TTPAL: variants seen among roughly 807,000 people sequenced by gnomAD.
TTPAL encodes alpha tocopherol transfer protein like, also known as alpha-tocopherol transfer protein-like.
TTPAL carries 21 observed loss-of-function variants against 28.7 expected under a neutral mutation model. That is an observed-to-expected ratio of 0.73 (90% CI 0.52 to 1.06). The LOEUF (loss-of-function observed/expected upper bound fraction) is 1.06. Among genes scored for constraint, TTPAL ranks in the 50% least tolerant of loss-of-function variants. The pLI is 0.00. For synonymous variants in TTPAL, 169 were observed against 171.9 expected, an observed-to-expected ratio of 0.98 and a Z score of 0.13; for missense variants, 345 against 425.5, an observed-to-expected ratio of 0.81 and a Z score of 1.67.
At position 44,484,325 on chromosome 20, in the gene TTPAL, T is replaced by G; in HGVS notation, c.446-12T>G. The G allele has an allele frequency of 6.6e-7, 1 of 1,517,140 alleles. No homozygotes were observed. 94.0% of individuals were successfully genotyped at this position (1,517,140 alleles called of 1,614,324 possible). ...ACTTCTGTAACATACTGTCAATCTC[T>G]TATGACCTTAGACAGATGGATACCA... On this transcript the variant is annotated splice_polypyrimidine_tract_variant and intron_variant, in intron 2 of 4. Transcript: ENST00000262605.
Position 44,489,392 on chromosome 20 carries a change from G to C in TTPAL, c.880G>C (p.Glu294Gln). 1 of 1,614,192 alleles carries C rather than the reference G, an allele frequency of 6.2e-7. No homozygotes were observed. Among genetic ancestry groups the C allele is most frequent in the Non-Finnish European group, 8.5e-7 (1 of 1,180,028 alleles). ...CTGGAACGCGGTACTGCTGGCTTCA[G>C]AAGACGATTTTGTGAAAGAGTTCTG... The part of the protein sequence containing the change: ...ATWNAVLLAS[E>Q]DDFVKEFCQP... Residue 294 changes from glutamate (E) to glutamine (Q), a missense_variant, in exon 5 of 5, where the codon GAA becomes CAA. Coordinates refer to ENST00000262605, the MANE Select transcript of TTPAL (RefSeq NM_001039199.3).
At position 44,489,524 on chromosome 20, in the gene TTPAL, C is replaced by T; in HGVS notation, c.1012C>T (p.Leu338=). 6.2e-7 allele frequency: 1 copy of T among 1,613,716 alleles called. No homozygotes were observed. Among genetic ancestry groups the T allele is most frequent in the Non-Finnish European group, 8.5e-7 (1 of 1,179,630 alleles). ...DDSLRAVKSQ[L]YSCY ...CTCCTTGCGAGCTGTGAAGTCACAG[C>T]TGTACTCCTGCTACTAGCCCGTCCC... The change falls in exon 5 of 5, where the codon CTG becomes TTG. Residue 338 remains leucine, a synonymous_variant. Coordinates refer to ENST00000262605, the MANE Select transcript of TTPAL (RefSeq NM_001039199.3).
At chr20:44,486,823 T>A in intron 4 of TTPAL, 117 bp downstream of exon 4, 1 of 618,732 alleles carries the variant, frequency 1.6e-6, no homozygotes, top group Non-Finnish European at 2.8e-6. Context: ...AAGTACAGAG[T>A]TACAGATAAA....
rs763798283 is a variant in TTPAL, at chr20:44,484,392, G to A, written c.501G>A (p.Leu167=). The A allele has an allele frequency of 1.9e-6, 3 of 1,603,918 alleles. No homozygotes were observed. The highest frequency in any genetic ancestry group is 2.2e-5 in the South Asian group (2 of 90,554). The change falls in exon 3 of 5, where the codon TTG becomes TTA. Residue 167 remains leucine, a synonymous_variant. Transcript: ENST00000262605. ...CTGAAAACATCCGAGCCATATACTT[G>A]ACCTTAGAAAAACTCATTCAGTCTG... ...PITENIRAIY[L]TLEKLIQSEE...
In TTPAL at chr20:44,480,047, A is replaced by T. The variant is rs764102112; in HGVS notation, c.48A>T (p.Ser16=). The T allele has an allele frequency of 3.7e-6, 6 of 1,613,716 alleles. No homozygotes were observed. In the East Asian group the frequency reaches 6.7e-5, roughly 18 times the overall value. The change falls in exon 2 of 5, where the codon TCA becomes TCT. Residue 16 remains serine (S), a synonymous_variant. Transcript: ENST00000262605. This position sits in a 1 kb window ranked among gnomAD's most constrained non-coding sequence, Gnocchi z 4.1. The stretch of plus-strand genomic sequence containing the variant: ...TGAGAACCAGCCCTTCTGTGGCCTC[A>T]CTCTCTGAAAATGAGCTGCCACCAC... ...DSLRTSPSVA[S]LSENELPPPP...
chr20:44,487,298 T>C (rs952148164), intron 4 of TTPAL, among the ~76,000 whole-genome samples: 2 of 145,838 alleles, frequency 1.4e-5, no homozygotes, highest in East Asian at 4.0e-4. Context: ...AAAAATTAGG[T>C]GGGTGTGGTG....
At chr20:44,478,402 T>C (rs1172957028) in intron 1 of TTPAL, among the ~76,000 whole-genome samples, 1 of 152,220 alleles carries the variant, frequency 6.6e-6, no homozygotes, top group Non-Finnish European at 1.5e-5. Flanking sequence ...AATCATTGGC[T>C]AGGAGCAGTG....
rs769145195 is a variant in TTPAL, at chr20:44,489,431, G to T, written c.919G>T (p.Ala307Ser). The T allele has an allele frequency of 1.2e-6, 2 of 1,614,176 alleles. No individual in the cohort carries two copies. The highest frequency in any genetic ancestry group is 1.7e-6 in the Non-Finnish European group (2 of 1,180,036). Residue 307 changes from alanine (A) to serine (S), a missense_variant, in exon 5 of 5, where the codon GCC becomes TCC. Ala to Ser is a moderately conservative substitution (Grantham distance 99). Transcript: ENST00000262605. ...FVKEFCQPVP[A>S]CDSILGQTLL... ...GAAAGAGTTCTGCCAACCTGTTCCT[G>T]CCTGTGACAGCATCCTGGGCCAGAC...
At chr20:44,479,204 T>C (rs1005101386) in intron 1 of TTPAL, among the ~76,000 whole-genome samples, 1 of 152,146 alleles carries the variant, frequency 6.6e-6, no homozygotes, top group Admixed American at 6.5e-5. Context: ...TAATCAATAC[T>C]TGTGAAGGCC....
At chr20:44,481,654 C>A (rs2064106547) in intron 2 of TTPAL, among the ~76,000 whole-genome samples, 1 of 152,176 alleles carries the variant, frequency 6.6e-6, no homozygotes, top group Non-Finnish European at 1.5e-5. Context: ...CATATAAACG[C>A]CCTCTTGAAG....
intron 1 of TTPAL, chr20:44,478,576 C>T (rs2064067804): frequency 6.6e-6 from 1 of 152,222 alleles, no homozygotes; most frequent in Admixed American, 6.5e-5. Context: ...AAAATTCAAA[C>T]AGTATAGTAA....
At chr20:44,482,522 G>T (rs982425243) in intron 2 of TTPAL, among the ~76,000 whole-genome samples, 1 of 148,760 alleles carries the variant, frequency 6.7e-6, no homozygotes, top group African/African-American at 2.5e-5. Flanking sequence ...GCAATGAGCC[G>T]AGATCACGCC....
At chr20:44,486,390 C>T in intron 3 of TTPAL, 1 of 426,324 alleles carries the variant, frequency 2.3e-6, no homozygotes, top group Non-Finnish European at 4.2e-6. Flanking sequence ...CCTCTGTTTG[C>T]CTCTCTTCTA....
At chr20:44,479,419 T>C (rs1470755011) in intron 1 of TTPAL, among the ~76,000 whole-genome samples, 1 of 143,934 alleles carries the variant, frequency 6.9e-6, no homozygotes, top group East Asian at 2.0e-4. Context: ...TTTTTTTTTT[T>C]TTTTTTTTTG....
Position 44,486,609 on chromosome 20 carries a change from T to C in TTPAL, c.653T>C (p.Ile218Thr). ...TTTCCCACACAGGATGGTTTCCCCA[T>C]TCGGATAAAAGCAGTCCATGTGGTG... The part of the protein sequence containing the change: ...VIGILQDGFP[I>T]RIKAVHVVNE... The change falls in exon 4 of 5, where the codon ATT (isoleucine) becomes ACT (threonine). Residue 218 changes from isoleucine to threonine, a missense_variant. Ile to Thr is a moderately conservative substitution (Grantham distance 89, BLOSUM62 -1). Transcript: ENST00000262605. 1 of 1,610,318 alleles carries C rather than the reference T, an allele frequency of 6.2e-7. No homozygotes were observed. The highest frequency in any genetic ancestry group is 1.7e-4 in the Middle Eastern group (1 of 6,050).
chr20:44,481,268 G>A (rs1426994645), intron 2 of TTPAL, among the ~76,000 whole-genome samples: 1 of 152,194 alleles, frequency 6.6e-6, no homozygotes, highest in Admixed American at 6.5e-5. Context: ...TCCCCTGCCA[G>A]GCGCAGCAGC....
chr20:44,478,742 A>G (rs1203240192), intron 1 of TTPAL: 2 of 152,194 alleles, frequency 1.3e-5, no homozygotes, highest in African/African-American at 4.8e-5. Flanking sequence ...CTATTCTGCA[A>G]CTTGCTTTTT....
intron 1 of TTPAL, among the ~76,000 whole-genome samples, chr20:44,479,405 T>TTTTTTCC (rs2064079425): frequency 1.3e-5 from 1 of 77,744 alleles, no homozygotes; most frequent in African/African-American, 6.5e-5. Context: ...AGTTGTTTTT[T>TTTTTTCC]TTTTTTTTTT....
intron 2 of TTPAL, among the ~76,000 whole-genome samples, chr20:44,483,244 T>C (rs1164977896): frequency 6.6e-6 from 1 of 152,198 alleles, no homozygotes; most frequent in Non-Finnish European, 1.5e-5. Context: ...AACTGAGGTC[T>C]AGCCGTATTT....
Sources: gnomAD v4.1 joint callset for allele counts (sites outside exome capture counted in the v4.1 genomes callset) on GRCh38, gnomAD v4.1.1 for gene constraint, Gnocchi (gnomAD v3.1) non-coding constraint, MANE v1.5 for transcripts, NCBI Gene and HGNC (gene_info 2026-07-23, HGNC 2026-07-21) for gene names.